The following SPECC1L variants were observed in gnomAD, a reference collection of about 807,000 sequenced individuals.
SPECC1L encodes sperm antigen with calponin homology and coiled-coil domains 1 like.
Under a neutral mutation model 116.8 loss-of-function variants are expected in SPECC1L, and 40 were observed. The ratio of observed to expected loss-of-function variants is 0.34; its 90% CI spans 0.27 to 0.45. The LOEUF (loss-of-function observed/expected upper bound fraction) is 0.45, where lower values mean the gene tolerates loss of function less well. SPECC1L is among the 20% of genes least tolerant of loss of function. The probability of loss-of-function intolerance (pLI) is 1.00; values close to 1 mark genes in which losing one functional copy is unlikely to be tolerated. For synonymous variants in SPECC1L, 504 were observed against 500.6 expected (o/e 1.01, Z -0.09); for missense variants, 1,110 against 1,373.6 (o/e 0.81, Z 3.03).
At chr22:24,374,366 C>A (rs2041930260) in intron 14 of SPECC1L, among the ~76,000 whole-genome samples, 2 of 151,996 alleles carry the variant, frequency 1.3e-5, no homozygotes, top group African/African-American at 4.8e-5. Flanking sequence ...AGACTTGGAA[C>A]CAAGCCAAAT....
At chr22:24,339,074 C>T (rs999881451) in intron 10 of SPECC1L, among the ~76,000 whole-genome samples, 2 of 152,206 alleles carry the variant, frequency 1.3e-5, no homozygotes, top group African/African-American at 4.8e-5. Flanking sequence ...CAATTCTTTG[C>T]TGGCTTTCCT....
chr22:24,391,823 T>G lies in SPECC1L; in HGVS notation c.3088-19765T>G, dbSNP rs548541046. ...TAGCTCAAGGTTTTGTTCCTTTTTC[T>G]TGCATTCTTTTTCCATTTAACTTCC... On this transcript the variant is annotated intron_variant, in intron 14 of 16. Transcript: ENST00000314328. Among the ~76,000 whole-genome samples, 58 of 152,360 alleles carry G rather than the reference T, an allele frequency of 3.8e-4. 3 individuals are homozygous for G. The South Asian group carries it at 0.012, about 30-fold the overall frequency.
chr22:24,367,065 G>A (rs889844705), intron 13 of SPECC1L, among the ~76,000 whole-genome samples: 4 of 152,086 alleles, frequency 2.6e-5, no homozygotes, highest in Admixed American at 6.5e-5. Flanking sequence ...CTGGTTTTGC[G>A]CACCTGCAGT....
At chr22:24,344,118 G>A (rs1601585337) in intron 10 of SPECC1L, among the ~76,000 whole-genome samples, 1 of 152,102 alleles carries the variant, frequency 6.6e-6, no homozygotes, top group African/African-American at 2.4e-5. Flanking sequence ...TAGGAAGCTA[G>A]CATTACCTGA....
At chr22:24,311,206 T>A (rs1054050477) in intron 3 of SPECC1L, among the ~76,000 whole-genome samples, 2 of 152,234 alleles carry the variant, frequency 1.3e-5, no homozygotes, top group Admixed American at 1.3e-4. Context: ...AAAGGCAAAT[T>A]GTAACCAGAG....
rs147893919 is a variant in SPECC1L, at chr22:24,275,532, T to C, written c.-141-1168T>C. Among the ~76,000 whole-genome samples the C allele has an allele frequency of 9.1e-3, 1,378 of 152,078 alleles. 13 individuals are homozygous for C. The highest frequency in any genetic ancestry group is 0.012 in the Non-Finnish European group (795 of 67,994). On this transcript the variant is annotated intron_variant, in intron 1 of 16. Coordinates refer to ENST00000314328, the MANE Select transcript of SPECC1L (RefSeq NM_015330.6). ...ATTTGACACAGATCACTTCCCTTTT[T>C]TCTCTTGTACACCTTTCACCTTTTT...
At position 24,330,274 on chromosome 22, in the gene SPECC1L, C is replaced by A. The variant is rs781210473; in HGVS notation, c.2239C>A (p.Arg747=). 6.2e-7 allele frequency: 1 copy of A among 1,613,988 alleles called. No individual in the cohort carries two copies. Among genetic ancestry groups the A allele is most frequent in the South Asian group, 1.1e-5 (1 of 91,048 alleles). The change falls in exon 8 of 17, where the codon CGG becomes AGG. Residue 747 remains arginine (R), a synonymous_variant. Transcript: ENST00000314328. ...RRLREESAEW[R]QFQADLQTAV... is the part of the protein sequence containing the mutation. ...AATATAGGAAGAATCTGCGGAATGGCGGCAGTTTCAGGCTGATCTCCAGAC... is the reference window on the plus strand; with the variant it reads ...AATATAGGAAGAATCTGCGGAATGGAGGCAGTTTCAGGCTGATCTCCAGAC...
At chr22:24,353,035 C>G (rs1393048502) in intron 11 of SPECC1L, among the ~76,000 whole-genome samples, 1 of 152,162 alleles carries the variant, frequency 6.6e-6, no homozygotes, top group Non-Finnish European at 1.5e-5. Context: ...TGTGTGTTTC[C>G]TTTTGAAATA....
At chr22:24,300,800 A>G (rs1005743153) in intron 2 of SPECC1L, among the ~76,000 whole-genome samples, 2 of 152,240 alleles carry the variant, frequency 1.3e-5, no homozygotes, top group African/African-American at 4.8e-5. Flanking sequence ...CAGAGACCTC[A>G]GAAATAACAC....
At chr22:24,327,139 G>A (rs765813768) in intron 6 of SPECC1L, among the ~76,000 whole-genome samples, 3 of 151,850 alleles carry the variant, frequency 2.0e-5, no homozygotes, top group Admixed American at 6.6e-5. Flanking sequence ...TTAGCTGGAC[G>A]TGGTGGCAGG....
chr22:24,407,713 T>C (rs1181198364), intron 14 of SPECC1L, among the ~76,000 whole-genome samples: 1 of 152,178 alleles, frequency 6.6e-6, no homozygotes, highest in Non-Finnish European at 1.5e-5. Flanking sequence ...TAGACCTGGC[T>C]CTTTTTTTTA....
chr22:24,390,061 T>C (rs1473941792), intron 14 of SPECC1L, among the ~76,000 whole-genome samples: 1 of 151,804 alleles, frequency 6.6e-6, no homozygotes, highest in Non-Finnish European at 1.5e-5. Context: ...CCTTTTCACA[T>C]GTCATCCCTC....
intron 14 of SPECC1L, among the ~76,000 whole-genome samples, chr22:24,400,616 C>G (rs2042454731): frequency 6.6e-6 from 1 of 152,210 alleles, no homozygotes; most frequent in Non-Finnish European, 1.5e-5. Flanking sequence ...TATATTAACT[C>G]TGTGTTTAAC....
rs1460229106 is a variant in SPECC1L at position 24,375,978 on chromosome 22, A to C, written c.3087+6658A>C. On this transcript the variant is annotated intron_variant, in intron 14 of 16. Transcript: ENST00000314328. ...ACAAACAAACAAACAAACAAAAAAA[A>C]CAAAAAAAACCCACAGTTTTAACAT... Among the ~76,000 whole-genome samples, 6 of 151,976 alleles carry C rather than the reference A, an allele frequency of 3.9e-5. No homozygotes were observed. In the East Asian group the frequency reaches 5.8e-4, roughly 15 times the overall value.
chr22:24,332,076 G>T (rs1329347357), intron 8 of SPECC1L, among the ~76,000 whole-genome samples: 1 of 152,082 alleles, frequency 6.6e-6, no homozygotes, highest in African/African-American at 2.4e-5. Flanking sequence ...TTTTTTACTT[G>T]AGAATGACAG....
At chr22:24,338,587 C>T (rs2041109562) in intron 10 of SPECC1L, 110 bp downstream of exon 10, 2 of 858,066 alleles carry the variant, frequency 2.3e-6, no homozygotes, top group South Asian at 2.8e-5. Flanking sequence ...ACTACCTCAG[C>T]AGGGATGTAT....
intron 14 of SPECC1L, among the ~76,000 whole-genome samples, chr22:24,393,730 A>T (rs974717622): frequency 6.6e-6 from 1 of 152,244 alleles, no homozygotes; most frequent in Non-Finnish European, 1.5e-5. Flanking sequence ...CTTTTGACAT[A>T]CATATACATA....
chr22:24,284,419 G>C (rs1408367504), intron 2 of SPECC1L, among the ~76,000 whole-genome samples: 1 of 151,780 alleles, frequency 6.6e-6, no homozygotes. Flanking sequence ...AATTAATAGA[G>C]AATCTTTTAT....
intron 4 of SPECC1L, among the ~76,000 whole-genome samples, chr22:24,319,701 G>C (rs2040680863): frequency 6.6e-6 from 1 of 152,056 alleles, no homozygotes; most frequent in South Asian, 2.1e-4. Flanking sequence ...GTTCACTTCT[G>C]CTTCCTTTCG....
Sources: allele counts gnomAD v4.1 joint callset (sites outside exome capture counted in the v4.1 genomes callset), GRCh38; gene constraint gnomAD v4.1.1; transcripts MANE v1.5; gene names NCBI Gene and HGNC (gene_info 2026-07-23, HGNC 2026-07-21).